The following DNAJA2 variants were observed in gnomAD, a reference collection of about 807,000 sequenced individuals.
DNAJA2 encodes DnaJ heat shock protein family (Hsp40) member A2, also known as dnaJ homolog subfamily A member 2.
DNAJA2 carries 6 observed loss-of-function variants against 49.3 expected under a neutral mutation model. That is an observed-to-expected ratio of 0.12 (90% confidence interval 0.07 to 0.24). The LOEUF (loss-of-function observed/expected upper bound fraction) is 0.24, where lower values mean the gene tolerates loss of function less well. DNAJA2 is among the 10% of genes least tolerant of loss of function. DNAJA2 has a pLI of 1.00. For synonymous variants in DNAJA2, 160 were observed against 172.7 expected (o/e 0.93, Z 0.58); for missense variants, 347 against 516.8 (o/e 0.67, Z 3.19).
At chr16:46,970,555 C>G (rs55743014) in intron 3 of DNAJA2, among the ~76,000 whole-genome samples, 4 of 151,056 alleles carry the variant, frequency 2.6e-5, no homozygotes, top group Non-Finnish European at 5.9e-5. Context: ...GCCAACATGG[C>G]GAAACCCTGT....
At chr16:46,964,487 G>T in intron 6 of DNAJA2, 124 bp downstream of exon 6, 1 of 859,370 alleles carries the variant, frequency 1.2e-6, no homozygotes, top group Non-Finnish European at 1.7e-6. Context: ...TCACCATGAT[G>T]CCCTTAACTT....
Position 46,967,937 on chromosome 16 carries a change from C to G in DNAJA2, c.443+147G>C, listed in dbSNP as rs1269560688. Reference sequence around the variant, plus strand: ...ACCTCAGGTGATCCACCCGACTCGGCCTCCCAAAGTGCTGGGATTTCAGGT... The same window carrying G: ...ACCTCAGGTGATCCACCCGACTCGGGCTCCCAAAGTGCTGGGATTTCAGGT... On this transcript the variant is annotated intron_variant, in intron 4 of 8. Transcript: ENST00000317089. The G allele has an allele frequency of 2.8e-5, 23 of 817,158 alleles. No homozygotes were observed. The South Asian group carries it at 4.0e-4, about 14-fold the overall frequency. The allele number at this position is 817,158 out of a possible 1,614,324, so 50.6% of individuals were successfully genotyped here. A position where few individuals can be genotyped will look rare whatever the true frequency, so the allele number is the denominator to read the frequency against.
chr16:46,962,357 T>A (rs1449547145), intron 6 of DNAJA2, among the ~76,000 whole-genome samples: 1 of 152,212 alleles, frequency 6.6e-6, no homozygotes, highest in Admixed American at 6.5e-5. Flanking sequence ...GGTTTTACCA[T>A]CAGTTTGACA....
At chr16:46,961,574 A>G (rs919378264) in intron 6 of DNAJA2, among the ~76,000 whole-genome samples, 7 of 84,332 alleles carry the variant, frequency 8.3e-5, no homozygotes, top group African/African-American at 2.5e-4. Context: ...ACAGGGCAAG[A>G]CTGTCTCAAA....
At chr16:46,972,305 A>C in intron 1 of DNAJA2, 1 of 206,792 alleles carries the variant, frequency 4.8e-6, no homozygotes, top group Non-Finnish European at 9.7e-6. Context: ...ACCCTAATAA[A>C]TTCGAGATAA....
intron 7 of DNAJA2, 41 bp from the exon 8 acceptor site, chr16:46,959,171 G>A: frequency 6.3e-7 from 1 of 1,576,634 alleles, no homozygotes. Context: ...TTACCCAAAA[G>A]AGGTGTTCAA....
intron 6 of DNAJA2, among the ~76,000 whole-genome samples, chr16:46,960,217 C>A (rs1400991851): frequency 6.6e-6 from 1 of 152,190 alleles, no homozygotes; most frequent in African/African-American, 2.4e-5. Context: ...TAAACCATTA[C>A]CTTAACCAAT....
intron 6 of DNAJA2, among the ~76,000 whole-genome samples, chr16:46,961,438 T>C (rs544670392): frequency 5.3e-5 from 8 of 151,150 alleles, no homozygotes; most frequent in East Asian, 3.9e-4. Context: ...CCTATAATCC[T>C]AGCACTTTGG....
intron 5 of DNAJA2, among the ~76,000 whole-genome samples, chr16:46,965,410 C>T (rs116280859): frequency 2.0e-5 from 3 of 152,202 alleles, no homozygotes; most frequent in African/African-American, 4.8e-5. Context: ...GAAAAAACTG[C>T]GTCACTTTCT....
At chr16:46,965,787 C>G (rs1011609196) in intron 5 of DNAJA2, among the ~76,000 whole-genome samples, 2 of 148,566 alleles carry the variant, frequency 1.3e-5, no homozygotes, top group African/African-American at 5.0e-5. Flanking sequence ...GCTGAGATCA[C>G]GCAACTGCAC....
chr16:46,971,591 A>C lies in DNAJA2; in HGVS notation c.139-19T>G, dbSNP rs1302283493. On this transcript the variant is annotated intron_variant, in intron 2 of 8. Transcript: ENST00000317089. ...CTTTAAACTATAAAGAAAAGGTAAAAATAAAAATAATTGCATTTTCAAGTA... is the reference window on the plus strand; with the variant it reads ...CTTTAAACTATAAAGAAAAGGTAAACATAAAAATAATTGCATTTTCAAGTA... 1.4e-5 allele frequency: 21 copies of C among 1,544,274 alleles called. No individual in the cohort carries two copies. The East Asian group carries it at 4.8e-4, about 35-fold the overall frequency.
Position 46,956,830 on chromosome 16 carries a change from A to G in DNAJA2, c.*199T>C. The G allele has an allele frequency of 1.7e-6, 1 of 597,810 alleles. No individual in the cohort carries two copies. The highest frequency in any genetic ancestry group is 2.1e-5 in the South Asian group (1 of 47,904). 37.0% of individuals were successfully genotyped at this position (597,810 alleles called of 1,614,324 possible). ...CAAGTGCTTTATTCTGCTATGGAAC[A>G]GTCAAAATGAAGATGTAAAGCTTTG... is the stretch of plus-strand genomic sequence containing the variant. On this transcript the variant is annotated 3_prime_UTR_variant, in exon 9 of 9. Transcript: ENST00000317089.
chr16:46,966,677 G>A (rs1359220138), intron 5 of DNAJA2, among the ~76,000 whole-genome samples: 2 of 152,196 alleles, frequency 1.3e-5, no homozygotes, highest in Non-Finnish European at 2.9e-5. Context: ...GAGATGAGTA[G>A]TTGTGACAAA....
At chr16:46,960,551 C>T (rs1353278218) in intron 6 of DNAJA2, among the ~76,000 whole-genome samples, 1 of 152,130 alleles carries the variant, frequency 6.6e-6, no homozygotes, top group African/African-American at 2.4e-5. Flanking sequence ...GAGGCCAAGG[C>T]AGGCGGATCA....
chr16:46,971,195 A>C (rs1423745449), intron 3 of DNAJA2, among the ~76,000 whole-genome samples, 154 bp downstream of exon 3: 1 of 152,230 alleles, frequency 6.6e-6, no homozygotes. Context: ...CATTCAGATA[A>C]TCAAATTCAA....
chr16:46,959,912 C>A (rs1961870886), intron 6 of DNAJA2, among the ~76,000 whole-genome samples: 1 of 152,358 alleles, frequency 6.6e-6, no homozygotes, highest in South Asian at 2.1e-4. Flanking sequence ...CACACACATA[C>A]CAACAAGTCT....
intron 6 of DNAJA2, among the ~76,000 whole-genome samples, chr16:46,960,434 T>TC (rs1219877410): frequency 6.6e-6 from 1 of 152,162 alleles, no homozygotes; most frequent in Non-Finnish European, 1.5e-5. Context: ...ATTCAAGTGT[T>TC]CCTCACAATG....
At chr16:46,963,167 A>C (rs1005041617) in intron 6 of DNAJA2, among the ~76,000 whole-genome samples, 6 of 152,204 alleles carry the variant, frequency 3.9e-5, no homozygotes, top group Non-Finnish European at 5.9e-5. Context: ...AAGGTGGTTA[A>C]CCTGTGATGT....
At position 46,959,318 on chromosome 16, in the gene DNAJA2, A is replaced by G; in HGVS notation, c.876T>C (p.Arg292=). The change falls in exon 7 of 9, where the codon CGT becomes CGC. Residue 292 remains arginine, a synonymous_variant. Transcript: ENST00000317089. ...FQFTFKHLDG[R]QIVVKYPPGK... is the part of the protein sequence containing the mutation. ...CAGGGGGGTATTTCACCACAATCTG[A>G]CGTCCATCAAGGTGCTTAAATGTGA... is the stretch of plus-strand genomic sequence containing the variant. The G allele has an allele frequency of 6.2e-7, 1 of 1,614,090 alleles. No individual in the cohort carries two copies. Among genetic ancestry groups the G allele is most frequent in the South Asian group, 1.1e-5 (1 of 91,080 alleles).
Sources: allele counts gnomAD v4.1 joint callset (sites outside exome capture counted in the v4.1 genomes callset), GRCh38; gene constraint gnomAD v4.1.1; transcripts MANE v1.5; gene names NCBI Gene and HGNC (gene_info 2026-07-23, HGNC 2026-07-21).